The following PRPS1 variants were observed in gnomAD, a reference collection of about 807,000 sequenced individuals.
PRPS1 encodes the protein phosphoribosyl pyrophosphate synthetase 1.
In PRPS1, 1 loss-of-function variant was observed where a neutral mutation model predicts 16.9. The ratio of observed to expected loss-of-function variants is 0.06; its 90% CI spans 0.02 to 0.28. The LOEUF is 0.28. Ranked by LOEUF, PRPS1 falls within the 10% of genes least tolerant of loss-of-function variation. The probability of loss-of-function intolerance (pLI) is 1.00; values close to 1 mark genes in which losing one functional copy is unlikely to be tolerated. For synonymous variants in PRPS1, 70 were observed against 90.2 expected, an observed-to-expected ratio of 0.78 and a Z score of 1.27; for missense variants, 47 against 254.0, an observed-to-expected ratio of 0.19 and a Z score of 5.54.
chrX:107,628,836 A>C, intron 1 of PRPS1, 86 bp downstream of exon 1: 3 of 1,154,516 alleles, frequency 2.6e-6, no homozygotes, highest in Non-Finnish European at 3.5e-6. Flanking sequence ...TTGAGCTCAA[A>C]CAGACTGGGG....
At chrX:107,636,835 G>A (rs776491429) in intron 1 of PRPS1, among the ~76,000 whole-genome samples, 1 of 112,900 alleles carries the variant, frequency 8.9e-6, no homozygotes, top group East Asian at 2.8e-4. Context: ...TGTTTGGGGA[G>A]AGAAGGGTGG....
At chrX:107,633,503 G>A (rs1284864446) in intron 1 of PRPS1, among the ~76,000 whole-genome samples, 1 of 110,139 alleles carries the variant, frequency 9.1e-6, no homozygotes, top group African/African-American at 3.3e-5. Context: ...TAACAAAAAT[G>A]GTACTAGCGA....
intron 1 of PRPS1, among the ~76,000 whole-genome samples, chrX:107,637,732 G>A (rs1395033810): frequency 9.2e-6 from 1 of 109,069 alleles, no homozygotes; most frequent in Non-Finnish European, 1.9e-5. Context: ...AACTGCTTCT[G>A]GTATAAGGCT....
chrX:107,642,870 A>G (rs1925607694), intron 4 of PRPS1, among the ~76,000 whole-genome samples: 1 of 112,087 alleles, frequency 8.9e-6, no homozygotes, highest in Admixed American at 9.5e-5. Flanking sequence ...CTCCTCTTAC[A>G]ATGCTGTTGG....
chrX:107,647,036 T>C (rs746861931), intron 5 of PRPS1, among the ~76,000 whole-genome samples: 2 of 112,687 alleles, frequency 1.8e-5, no homozygotes, highest in South Asian at 7.2e-4. Context: ...GTGCAGTTCT[T>C]TCTCGATATG....
intron 1 of PRPS1, among the ~76,000 whole-genome samples, chrX:107,632,294 T>G (rs1376909726): frequency 1.8e-5 from 2 of 112,588 alleles, no homozygotes; most frequent in Non-Finnish European, 3.7e-5. Context: ...CTGTACTAGC[T>G]GAGAGGAGGA....
intron 1 of PRPS1, among the ~76,000 whole-genome samples, chrX:107,633,871 G>A (rs1351083069): frequency 2.7e-5 from 3 of 111,384 alleles, no homozygotes; most frequent in African/African-American, 6.5e-5. Flanking sequence ...AGGTTGCAGT[G>A]AGCAGAGATC....
chrX:107,634,215 T>G (rs757371182), intron 1 of PRPS1, among the ~76,000 whole-genome samples: 3 of 109,603 alleles, frequency 2.7e-5, no homozygotes, highest in African/African-American at 6.6e-5. Flanking sequence ...ATTTATGTAT[T>G]TATTTATTTA....
At chrX:107,634,928 C>T (rs912578639) in intron 1 of PRPS1, among the ~76,000 whole-genome samples, 1 of 108,582 alleles carries the variant, frequency 9.2e-6, no homozygotes, top group African/African-American at 3.4e-5. Flanking sequence ...CAAGCTCTGC[C>T]TCCCAGGTTC....
At chrX:107,647,794 C>G in intron 6 of PRPS1, 29 bp downstream of exon 6, 8 of 1,201,946 alleles carry the variant, frequency 6.7e-6, no homozygotes, top group Non-Finnish European at 9.0e-6. Flanking sequence ...CAAAACAAGA[C>G]TTTTCTAAGT....
intron 3 of PRPS1, among the ~76,000 whole-genome samples, chrX:107,641,419 G>A (rs765183525): frequency 8.9e-6 from 1 of 111,817 alleles, no homozygotes; most frequent in Non-Finnish European, 1.9e-5. Context: ...GCAGTGGCAC[G>A]ATCTTGGCTC....
intron 6 of PRPS1, 139 bp downstream of exon 6, chrX:107,647,904 CA>C: frequency 1.5e-6 from 1 of 675,960 alleles, no homozygotes; most frequent in Non-Finnish European, 2.2e-6. Context: ...ATTTGTGATC[CA>C]AAAGTTAACA....
At chrX:107,649,599 C>T (rs762236155) in intron 6 of PRPS1, among the ~76,000 whole-genome samples, 1 of 111,647 alleles carries the variant, frequency 9.0e-6, no homozygotes, top group South Asian at 3.7e-4. Flanking sequence ...GGATTACAGG[C>T]GTGTGCCACA....
At chrX:107,643,736 A>G (rs934173200) in intron 4 of PRPS1, among the ~76,000 whole-genome samples, 1 of 111,687 alleles carries the variant, frequency 9.0e-6, no homozygotes, top group African/African-American at 3.3e-5. Context: ...TACTTGAACT[A>G]ATTGATCATG....
At chrX:107,630,656 T>G (rs781655355) in intron 1 of PRPS1, among the ~76,000 whole-genome samples, 81 of 110,272 alleles carry the variant, frequency 7.3e-4, no homozygotes, top group Non-Finnish European at 1.4e-3. Context: ...CTCCCCCAGG[T>G]GACTCTTGGT....
intron 4 of PRPS1, 195 bp downstream of exon 4, chrX:107,642,685 C>CA: frequency 2.2e-6 from 1 of 464,400 alleles, no homozygotes; most frequent in Non-Finnish European, 3.6e-6. Flanking sequence ...GAAGACAAGA[C>CA]AGAAAAGGGG....
chrX:107,628,783 C>T (rs1337893277), intron 1 of PRPS1, 33 bp downstream of exon 1: 1 of 1,208,756 alleles, frequency 8.3e-7, no homozygotes, highest in Non-Finnish European at 1.1e-6. Flanking sequence ...GACTAGACCT[C>T]ACCTGCCCAG....
In PRPS1 at chrX:107,641,096, C is replaced by A. The variant is rs1165043304; in HGVS notation, c.405+96C>A. 4.2e-6 allele frequency: 5 copies of A among 1,204,349 alleles called. No individual in the cohort carries two copies. The East Asian group carries it at 1.5e-4, about 36-fold the overall frequency. Reference sequence around the variant, plus strand: ...AGAAGCCAAAAATTATGCCCAAGTACATCTGAAATAAACTAGATATCAACA... The same window carrying A: ...AGAAGCCAAAAATTATGCCCAAGTAAATCTGAAATAAACTAGATATCAACA... On this transcript the variant is annotated intron_variant, in intron 3 of 6. Transcript: ENST00000372435.
intron 1 of PRPS1, chrX:107,636,659 C>T (rs1925449889): frequency 8.9e-6 from 1 of 112,291 alleles, no homozygotes; most frequent in East Asian, 2.8e-4. Flanking sequence ...GCTTCAGCCT[C>T]CTGAGTAGCT....
Sources: allele counts gnomAD v4.1 joint callset (sites outside exome capture counted in the v4.1 genomes callset), GRCh38; gene constraint gnomAD v4.1.1; transcripts MANE v1.5; gene names NCBI Gene and HGNC (gene_info 2026-07-23, HGNC 2026-07-21).